IKZF2: variants seen among roughly 807,000 people sequenced by gnomAD.
IKZF2 encodes IKAROS family zinc finger 2.
IKZF2 carries 15 observed loss-of-function variants against 49.2 expected under a neutral mutation model. That is an observed-to-expected ratio of 0.30 (90% CI 0.20 to 0.47). The LOEUF (loss-of-function observed/expected upper bound fraction) is 0.47. Ranked by LOEUF, IKZF2 falls within the 20% of genes least tolerant of loss-of-function variation. The pLI is 1.00. For missense variants in IKZF2, 567 were observed against 664.6 expected, an observed-to-expected ratio of 0.85 and a Z score of 1.61; for synonymous variants, 227 against 221.4, an observed-to-expected ratio of 1.03 and a Z score of -0.23.
chr2:213,149,147 C>T (rs943863301), intron 2 of IKZF2, among the ~76,000 whole-genome samples: 1 of 152,112 alleles, frequency 6.6e-6, no homozygotes, highest in South Asian at 2.1e-4. Flanking sequence ...TAGTGCCCAA[C>T]GGTGTCTTGA....
intron 4 of IKZF2, among the ~76,000 whole-genome samples, chr2:213,137,535 C>T (rs2060720679): frequency 6.6e-6 from 1 of 151,950 alleles, no homozygotes; most frequent in African/African-American, 2.4e-5. Context: ...AGACCTTTTA[C>T]AATCACGAAT....
intron 4 of IKZF2, among the ~76,000 whole-genome samples, chr2:213,136,388 A>AG (rs1362976745): frequency 1.3e-4 from 9 of 71,000 alleles, no homozygotes; most frequent in Non-Finnish European, 1.8e-4. Context: ...AAAAAAAAAA[A>AG]AAAGAAAAAG....
chr2:213,146,955 A>G (rs2061094917), intron 4 of IKZF2, among the ~76,000 whole-genome samples: 1 of 152,098 alleles, frequency 6.6e-6, no homozygotes, highest in Non-Finnish European at 1.5e-5. Flanking sequence ...GCACTTGATA[A>G]CTAAACTGAT....
At chr2:213,146,433 A>G (rs552802900) in intron 4 of IKZF2, among the ~76,000 whole-genome samples, 3 of 152,144 alleles carry the variant, frequency 2.0e-5, no homozygotes, top group African/African-American at 7.2e-5. Context: ...TCTATAATTA[A>G]ATTTTCTTAG....
chr2:213,056,614 G>A (rs1489097138), intron 5 of IKZF2: 5 of 674,856 alleles, frequency 7.4e-6, no homozygotes, highest in Non-Finnish European at 1.3e-5. Flanking sequence ...TGTGGAAACT[G>A]AATCCCAAAC....
intron 4 of IKZF2, among the ~76,000 whole-genome samples, chr2:213,110,261 T>C (rs143254557): frequency 2.0e-5 from 3 of 152,150 alleles, no homozygotes; most frequent in Admixed American, 6.5e-5. Context: ...TATAAAAGTA[T>C]ATCTAGTGAA....
At chr2:213,048,311 T>C (rs1479440601) in intron 6 of IKZF2, among the ~76,000 whole-genome samples, 1 of 152,054 alleles carries the variant, frequency 6.6e-6, no homozygotes, top group East Asian at 1.9e-4. Flanking sequence ...CACAAAACCA[T>C]GATATTAAAA....
chr2:213,094,265 G>C (rs968328330), intron 4 of IKZF2, among the ~76,000 whole-genome samples: 3 of 152,114 alleles, frequency 2.0e-5, no homozygotes, highest in Admixed American at 2.0e-4. Flanking sequence ...TAAGTAGCTA[G>C]AGGTAAAGAG....
chr2:213,143,342 C>T (rs184979159), intron 4 of IKZF2, among the ~76,000 whole-genome samples: 15 of 151,826 alleles, frequency 9.9e-5, no homozygotes, highest in Admixed American at 5.3e-4. Context: ...TTTTTGAAAA[C>T]GGACTTTAAT....
At chr2:213,011,618 G>A (rs921388801) in intron 8 of IKZF2, among the ~76,000 whole-genome samples, 7 of 152,058 alleles carry the variant, frequency 4.6e-5, no homozygotes, top group Non-Finnish European at 1.0e-4. Flanking sequence ...CAAGGAGTGA[G>A]ACAGCATGTT....
At chr2:213,047,819 T>C (rs187435385) in intron 6 of IKZF2, among the ~76,000 whole-genome samples, 52 of 152,136 alleles carry the variant, frequency 3.4e-4, no homozygotes, top group Admixed American at 2.8e-3. Context: ...TGAAAAATTA[T>C]AGTAATATAA....
chr2:213,148,539 A>G (rs1189685331), intron 3 of IKZF2, 57 bp downstream of exon 3: 2 of 1,150,058 alleles, frequency 1.7e-6, no homozygotes, highest in Non-Finnish European at 2.6e-6. Flanking sequence ...ATTAAAACAC[A>G]GGTAATACAA....
intron 4 of IKZF2, among the ~76,000 whole-genome samples, chr2:213,126,531 C>T (rs918080253): frequency 4.6e-5 from 7 of 151,996 alleles, no homozygotes; most frequent in Non-Finnish European, 8.8e-5. Flanking sequence ...AATAAATCAC[C>T]TCCAGATTAC....
chr2:213,119,828 A>C (rs1218507671), intron 4 of IKZF2, among the ~76,000 whole-genome samples: 1 of 152,214 alleles, frequency 6.6e-6, no homozygotes, highest in African/African-American at 2.4e-5. Flanking sequence ...CTTTACTAGC[A>C]ATCTTGAAGG....
chr2:213,038,865 G>A (rs749270378), intron 6 of IKZF2, among the ~76,000 whole-genome samples: 2 of 152,104 alleles, frequency 1.3e-5, no homozygotes, highest in Non-Finnish European at 2.9e-5. Context: ...AGACAACAAT[G>A]CGTTTGAGGG....
intron 6 of IKZF2, among the ~76,000 whole-genome samples, chr2:213,028,211 G>A (rs992960245): frequency 6.6e-6 from 1 of 152,058 alleles, no homozygotes; most frequent in Non-Finnish European, 1.5e-5. Flanking sequence ...ACCAATTTGG[G>A]TTCTATTTCT....
chr2:213,007,623 C>A lies in IKZF2; in HGVS notation c.1318G>T (p.Asp440Tyr). ...TTGGTAGTATCCAAAGCTTTGACAT[C>A]CTCCTTCATGTAAGCTGGGCTTTGT... ...RKQSPAYMKE[D>Y]VKALDTTKAP... is the part of the protein sequence containing the mutation. Residue 440 changes from aspartate to tyrosine, a missense_variant, in exon 9 of 9, where the codon GAT becomes TAT. By Grantham distance (160) the Asp-to-Tyr change is radical (BLOSUM62 -3). Around this residue, in one of 5 missense-constraint regions of IKZF2, gnomAD observed 310 missense variants for 326.9 expected, o/e 0.95. Coordinates refer to ENST00000434687, the MANE Select transcript of IKZF2 (RefSeq NM_001387220.1). 1.2e-6 allele frequency: 2 copies of A among 1,613,676 alleles called. No individual in the cohort carries two copies. The highest frequency in any genetic ancestry group is 1.7e-6 in the Non-Finnish European group (2 of 1,179,736).
At chr2:213,062,450 CTT>C (rs937379097) in intron 4 of IKZF2, among the ~76,000 whole-genome samples, 6 of 151,364 alleles carry the variant, frequency 4.0e-5, no homozygotes, top group Non-Finnish European at 7.4e-5. Flanking sequence ...AAATTGGTGA[CTT>C]ATTTTTGTTT....
intron 6 of IKZF2, among the ~76,000 whole-genome samples, chr2:213,025,702 A>G (rs1188804910): frequency 6.6e-6 from 1 of 152,080 alleles, no homozygotes; most frequent in Non-Finnish European, 1.5e-5. Flanking sequence ...CCCCAAAACC[A>G]AATCAAACAT....
Sources: gnomAD v4.1 joint callset for allele counts (sites outside exome capture counted in the v4.1 genomes callset) on GRCh38, gnomAD v4.1.1 for gene constraint, gnomAD v4.1.1 regional missense constraint, MANE v1.5 for transcripts, NCBI Gene and HGNC (gene_info 2026-07-23, HGNC 2026-07-21) for gene names.